The following RBFOX1 variants were observed in gnomAD, a reference collection of about 807,000 sequenced individuals.
RBFOX1 encodes the protein RNA binding protein fox-1 homolog 1.
A neutral mutation model predicts 57.7 loss-of-function variants in RBFOX1; 8 were observed. The observed-to-expected ratio is 0.14, with a 90% CI of 0.08 to 0.25. The LOEUF (loss-of-function observed/expected upper bound fraction) is 0.25, where lower values mean the gene tolerates loss of function less well. Among genes scored for constraint, RBFOX1 ranks in the 10% least tolerant of loss-of-function variants. The pLI is 1.00. For missense variants in RBFOX1, 611 were observed against 548.5 expected (o/e 1.11, Z -1.14); for synonymous variants, 326 against 222.4 (o/e 1.47, Z -4.15).
chr16:7,355,519 A>G (rs1330749928), intron 4 of RBFOX1, among the ~76,000 whole-genome samples: 2 of 152,138 alleles, frequency 1.3e-5, no homozygotes, highest in Non-Finnish European at 2.9e-5. Context: ...GTGTACAAGG[A>G]CACCATGCAC....
chr16:7,271,773 G>C (rs1022015693), intron 4 of RBFOX1, among the ~76,000 whole-genome samples: 2 of 151,922 alleles, frequency 1.3e-5, no homozygotes. Flanking sequence ...TGTATCCATA[G>C]CTAAGGGTCT....
intron 3 of RBFOX1, among the ~76,000 whole-genome samples, chr16:5,788,753 A>T (rs1340411975): frequency 6.6e-6 from 1 of 152,142 alleles, no homozygotes; most frequent in Admixed American, 6.5e-5. Flanking sequence ...ATTCACACAC[A>T]CACACAGCAT....
chr16:7,167,690 C>T (rs1601674826), intron 4 of RBFOX1, among the ~76,000 whole-genome samples: 1 of 152,206 alleles, frequency 6.6e-6, no homozygotes, highest in Admixed American at 6.5e-5. Flanking sequence ...CAAACTAAGG[C>T]CTGAGAGCCA....
chr16:5,618,347 T>C (rs111999730), intron 3 of RBFOX1, among the ~76,000 whole-genome samples: 2 of 151,872 alleles, frequency 1.3e-5, no homozygotes, highest in African/African-American at 4.8e-5. Flanking sequence ...TTTTTGTGTG[T>C]GTGTGTGTGT....
intron 3 of RBFOX1, among the ~76,000 whole-genome samples, chr16:5,778,252 G>A (rs1285320368): frequency 6.6e-6 from 1 of 152,144 alleles, no homozygotes; most frequent in Non-Finnish European, 1.5e-5. Context: ...AACATTTCAA[G>A]GCATTCCTTG....
intron 1 of RBFOX1, among the ~76,000 whole-genome samples, chr16:5,360,969 C>T (rs2065532701): frequency 6.6e-6 from 1 of 152,036 alleles, no homozygotes; most frequent in Non-Finnish European, 1.5e-5. Context: ...AGGTGTGTAA[C>T]CCTGATTGAT....
chr16:6,752,693 G>A (rs188358581), intron 3 of RBFOX1, among the ~76,000 whole-genome samples: 7 of 152,178 alleles, frequency 4.6e-5, no homozygotes, highest in Admixed American at 3.9e-4. Flanking sequence ...TCTGCGTATC[G>A]GTTTCATGCA....
chr16:5,544,289 C>G (rs1461291131), intron 2 of RBFOX1, among the ~76,000 whole-genome samples: 1 of 152,156 alleles, frequency 6.6e-6, no homozygotes, highest in African/African-American at 2.4e-5. Flanking sequence ...CTGGGAAATT[C>G]TCAGGTTTTT....
chr16:6,784,417 G>C (rs4786932), intron 3 of RBFOX1, among the ~76,000 whole-genome samples: 102,993 of 151,978 alleles, frequency 0.68, 35,702 homozygotes, highest in African/African-American at 0.82. Flanking sequence ...ATGCATTTTT[G>C]TGTTGTTGAT....
At chr16:7,172,721 T>A (rs1026588789) in intron 4 of RBFOX1, among the ~76,000 whole-genome samples, 12 of 152,150 alleles carry the variant, frequency 7.9e-5, no homozygotes, top group Middle Eastern at 3.4e-3. Flanking sequence ...CAATGATGAG[T>A]TCACCTACAT....
intron 2 of RBFOX1, chr16:6,577,293 T>C (rs529549688): frequency 6.6e-6 from 1 of 152,324 alleles, no homozygotes; most frequent in East Asian, 1.9e-4. Flanking sequence ...CACTACATAT[T>C]TTCATCTGAA....
Position 6,914,904 on chromosome 16 carries a change from G to A in RBFOX1, c.-15-137153G>A, listed in dbSNP as rs115082883. Reference sequence around the variant, plus strand: ...CCCTCTCAAAAACAAAACACAGATGGATAGGTTTGAGACAGCCCTCACTCA... The same window carrying A: ...CCCTCTCAAAAACAAAACACAGATGAATAGGTTTGAGACAGCCCTCACTCA... On this transcript the variant is annotated intron_variant, in intron 3 of 15. Coordinates refer to ENST00000550418, the MANE Select transcript of RBFOX1 (RefSeq NM_018723.4). Among the ~76,000 whole-genome samples, 515 of 152,318 alleles carry A rather than the reference G, an allele frequency of 3.4e-3. 2 individuals carry two copies. The highest frequency in any genetic ancestry group is 0.012 in the African/African-American group (481 of 41,584).
At chr16:5,728,973 A>G (rs1309888959) in intron 3 of RBFOX1, among the ~76,000 whole-genome samples, 1 of 152,238 alleles carries the variant, frequency 6.6e-6, no homozygotes, top group Non-Finnish European at 1.5e-5. Context: ...CTTTACCTGC[A>G]TAGCCCTGGC....
chr16:7,504,724 TATATATATATA>T (rs1567552943), intron 4 of RBFOX1, among the ~76,000 whole-genome samples: 11 of 9,726 alleles, frequency 1.1e-3, no homozygotes, highest in African/African-American at 3.5e-3. Context: ...TATATATATA[TATATATATATA>T]TATATATATA....
intron 1 of RBFOX1, among the ~76,000 whole-genome samples, chr16:6,272,589 C>A (rs1333880333): frequency 6.6e-6 from 1 of 152,030 alleles, no homozygotes; most frequent in South Asian, 2.1e-4. Flanking sequence ...CAACACTATT[C>A]TAAAATATAA....
At chr16:7,206,614 G>T (rs2090033732) in intron 4 of RBFOX1, among the ~76,000 whole-genome samples, 1 of 152,038 alleles carries the variant, frequency 6.6e-6, no homozygotes, top group African/African-American at 2.4e-5. Context: ...TCGTACTCAA[G>T]TTGAAGTGCT....
chr16:6,560,150 G>A (rs552384565), intron 2 of RBFOX1, among the ~76,000 whole-genome samples: 78 of 140,388 alleles, frequency 5.6e-4, no homozygotes, highest in Admixed American at 9.1e-4. Context: ...CCCATGCATG[G>A]TAATCAATTC....
chr16:6,198,456 C>A (rs1225882780), intron 1 of RBFOX1, among the ~76,000 whole-genome samples: 1 of 152,104 alleles, frequency 6.6e-6, no homozygotes, highest in African/African-American at 2.4e-5. Context: ...GAGGGAGACT[C>A]TTTTTAAGAT....
At chr16:6,695,545 G>A (rs963408959) in intron 3 of RBFOX1, among the ~76,000 whole-genome samples, 37 of 151,968 alleles carry the variant, frequency 2.4e-4, no homozygotes, top group African/African-American at 7.0e-4. Flanking sequence ...TTAAGTGGCC[G>A]ACGCGCCTAT....
Sources: allele counts gnomAD v4.1 joint callset (sites outside exome capture counted in the v4.1 genomes callset), GRCh38; gene constraint gnomAD v4.1.1; transcripts MANE v1.5; gene names NCBI Gene and HGNC (gene_info 2026-07-23, HGNC 2026-07-21).